Variants in FUT8 observed in about 807,000 individuals in gnomAD.
The protein encoded by FUT8 is alpha-(1,6)-fucosyltransferase.
In FUT8, 29 loss-of-function variants were observed where a neutral mutation model predicts 71.3. The ratio of observed to expected loss-of-function variants is 0.41; its 90% CI spans 0.30 to 0.55. The LOEUF (loss-of-function observed/expected upper bound fraction) is 0.55, where lower values mean the gene tolerates loss of function less well. Ranked by LOEUF, FUT8 falls within the 20% of genes least tolerant of loss-of-function variation. The pLI is 0.34. For synonymous variants in FUT8, 254 were observed against 239.3 expected, an observed-to-expected ratio of 1.06 and a Z score of -0.57; for missense variants, 544 against 702.1, an observed-to-expected ratio of 0.77 and a Z score of 2.55.
Position 65,467,015 on chromosome 14 carries a change from A to G in FUT8, c.-228+11297A>G, listed in dbSNP as rs75475095. On this transcript the variant is annotated intron_variant, in intron 2 of 10. Coordinates refer to ENST00000673929, the MANE Select transcript of FUT8 (RefSeq NM_001371533.1). The surrounding 1 kb of genome is among the most constrained non-coding windows in gnomAD (Gnocchi z 4.1). ...GAACAAGTTGTTATCTGTTAGATGA[A>G]TTAAGGATCAGAAAAACAAAAGATT... Among the ~76,000 whole-genome samples the G allele has an allele frequency of 0.03, 4,547 of 152,310 alleles. 101 individuals are homozygous for G. The highest frequency in any genetic ancestry group is 0.049 in the Non-Finnish European group (3,300 of 68,020).
At chr14:65,473,069 A>T (rs2066173628) in intron 2 of FUT8, among the ~76,000 whole-genome samples, 1 of 152,158 alleles carries the variant, frequency 6.6e-6, no homozygotes, top group East Asian at 1.9e-4. Flanking sequence ...CCATGTTGGT[A>T]TATGTGCCTT....
At chr14:65,423,823 T>G (rs1456138192) in intron 1 of FUT8, among the ~76,000 whole-genome samples, 1 of 152,216 alleles carries the variant, frequency 6.6e-6, no homozygotes, top group Non-Finnish European at 1.5e-5. Context: ...TGTACCCCTA[T>G]AAAAGCTACA....
rs201007546 is a variant in FUT8, at chr14:65,742,051, A to G, written c.1411-42A>G. 1.2e-4 allele frequency: 190 copies of G among 1,523,084 alleles called. No individual in the cohort carries two copies. The African/African-American group carries it at 2.2e-3, about 17-fold the overall frequency. The allele number at this position is 1,523,084 out of a possible 1,614,324, so 94.3% of individuals were successfully genotyped here. On this transcript the variant is annotated intron_variant, in intron 10 of 10. Coordinates refer to ENST00000673929, the MANE Select transcript of FUT8 (RefSeq NM_001371533.1). The stretch of plus-strand genomic sequence containing the variant: ...GGGCTTTTAGATTGCTGTGAAGGAG[A>G]GTGTTTATATACTAACAATTTCTTT...
At chr14:65,589,504 C>T (rs191980894) in intron 3 of FUT8, among the ~76,000 whole-genome samples, 163 of 134,922 alleles carry the variant, frequency 1.2e-3, no homozygotes, top group Non-Finnish European at 2.0e-3. Context: ...AGTGCAGTGG[C>T]GCAATTTCAG....
chr14:65,512,455 G>A (rs72714470), intron 2 of FUT8, among the ~76,000 whole-genome samples: 10,390 of 152,176 alleles, frequency 0.068, 420 homozygotes, highest in Admixed American at 0.086. Context: ...ATAAGCCTTC[G>A]TGCCTGGCTG....
intron 1 of FUT8, among the ~76,000 whole-genome samples, chr14:65,444,701 C>T (rs1384334526): frequency 6.6e-6 from 1 of 152,134 alleles, no homozygotes; most frequent in African/African-American, 2.4e-5. Flanking sequence ...CTCCTGATTC[C>T]ATTTACATGA....
At chr14:65,480,790 G>T (rs545318797) in intron 2 of FUT8, among the ~76,000 whole-genome samples, 1 of 151,984 alleles carries the variant, frequency 6.6e-6, no homozygotes, top group East Asian at 1.9e-4. Context: ...GGGTTCAAAT[G>T]ATTCTCCTAC....
intron 3 of FUT8, among the ~76,000 whole-genome samples, chr14:65,599,142 T>G (rs1888163187): frequency 6.6e-6 from 1 of 152,214 alleles, no homozygotes; most frequent in South Asian, 2.1e-4. Context: ...TGCCTGAGCC[T>G]TGTTTCCTAC....
intron 2 of FUT8, chr14:65,528,747 A>G (rs2139899936): frequency 6.6e-6 from 1 of 152,322 alleles, no homozygotes; most frequent in Non-Finnish European, 1.5e-5. Flanking sequence ...AACTTTCTGT[A>G]TGACAATGAA....
chr14:65,728,914 T>G (rs1472892949), intron 9 of FUT8, among the ~76,000 whole-genome samples: 2 of 152,172 alleles, frequency 1.3e-5, no homozygotes, highest in Non-Finnish European at 2.9e-5. Context: ...TCAGAACATA[T>G]CCTCGTTGTT....
At chr14:65,485,964 C>T (rs1335954483) in intron 2 of FUT8, among the ~76,000 whole-genome samples, 2 of 152,102 alleles carry the variant, frequency 1.3e-5, no homozygotes, top group South Asian at 2.1e-4. Context: ...ATGTTGTTTT[C>T]TATATTATGT....
rs1400407004 is a variant in FUT8 at position 65,603,716 on chromosome 14, G to A, written c.204-12262G>A. 6.6e-6 allele frequency among the ~76,000 whole-genome samples: 1 copy of A among 151,524 alleles called. No homozygotes were observed. The highest frequency in any genetic ancestry group is 1.5e-5 in the Non-Finnish European group (1 of 67,836). On this transcript the variant is annotated intron_variant, in intron 3 of 10. Coordinates refer to ENST00000673929, the MANE Select transcript of FUT8 (RefSeq NM_001371533.1). The surrounding 1 kb of genome is among the most constrained non-coding windows in gnomAD (Gnocchi z 4.5). The stretch of plus-strand genomic sequence containing the variant: ...AAAATACACTAAAAAAAAATCCAAG[G>A]TATACAGGCAACAGATAGGACGATG...
At chr14:65,622,908 CTGTT>C (rs566237781) in intron 5 of FUT8, among the ~76,000 whole-genome samples, 2 of 85,116 alleles carry the variant, frequency 2.3e-5, no homozygotes, top group East Asian at 9.3e-4. Context: ...GGGAGCTTCT[CTGTT>C]TTTTTTTTTT....
chr14:65,453,334 C>T (rs1318754754), intron 1 of FUT8, among the ~76,000 whole-genome samples: 2 of 151,964 alleles, frequency 1.3e-5, no homozygotes, highest in Admixed American at 6.6e-5. Flanking sequence ...TTTTCCTGGT[C>T]TGTATTGAAG....
chr14:65,569,841 A>G (rs1354205447), intron 3 of FUT8, among the ~76,000 whole-genome samples: 1 of 151,976 alleles, frequency 6.6e-6, no homozygotes, highest in African/African-American at 2.4e-5. Context: ...TAATATTTCA[A>G]TCCAGTACAA....
rs1024358785 is a variant in FUT8 at position 65,590,986 on chromosome 14, TTC to T, written c.204-24990_204-24989del. ...AAAATGTTATGGCCTTCAGTTTGTG[TTC>T]TTTTACCTATAGTTTATTTGAAAAA... On this transcript the variant is annotated intron_variant, in intron 3 of 10. Transcript: ENST00000673929. Among the ~76,000 whole-genome samples the T allele has an allele frequency of 1.2e-4, 18 of 152,312 alleles. 1 individual carries two copies. The Middle Eastern group carries it at 0.01, about 86-fold the overall frequency.
At chr14:65,558,566 C>T (rs1405268369) in intron 2 of FUT8, among the ~76,000 whole-genome samples, 21 of 152,110 alleles carry the variant, frequency 1.4e-4, no homozygotes, top group Admixed American at 7.9e-4. Context: ...TGCCAAATAC[C>T]GTTCTGAGTG....
intron 2 of FUT8, among the ~76,000 whole-genome samples, chr14:65,485,183 T>A (rs8019687): frequency 0.47 from 70,813 of 149,164 alleles, 18,261 homozygotes; most frequent in Non-Finnish European, 0.59. Flanking sequence ...TTAAAAAAAA[T>A]AATAATAATT....
At chr14:65,637,485 G>A (rs1254982120) in intron 6 of FUT8, among the ~76,000 whole-genome samples, 2 of 152,082 alleles carry the variant, frequency 1.3e-5, no homozygotes, top group East Asian at 1.9e-4. Context: ...TCTGATATAC[G>A]AAAATGGATT....
Sources: gnomAD v4.1 joint callset for allele counts (sites outside exome capture counted in the v4.1 genomes callset) on GRCh38, gnomAD v4.1.1 for gene constraint, Gnocchi (gnomAD v3.1) non-coding constraint, MANE v1.5 for transcripts, NCBI Gene and HGNC (gene_info 2026-07-23, HGNC 2026-07-21) for gene names.